ACE: variants seen among roughly 807,000 people sequenced by gnomAD.
The protein encoded by ACE is angiotensin-converting enzyme.
ACE carries 122 observed loss-of-function variants against 162.3 expected under a neutral mutation model. The observed-to-expected ratio is 0.75, with a 90% CI of 0.65 to 0.87. The LOEUF is 0.87. Among genes scored for constraint, ACE ranks in the 40% least tolerant of loss-of-function variants. The pLI, the probability that ACE is intolerant of heterozygous loss-of-function variation, is 0.00. For synonymous variants in ACE, 796 were observed against 720.6 expected, an observed-to-expected ratio of 1.10 and a Z score of -1.68; for missense variants, 1,799 against 1,735.1, an observed-to-expected ratio of 1.04 and a Z score of -0.65.
chr17:63,485,482 A>G, intron 13 of ACE, 110 bp downstream of exon 13: 4 of 1,497,818 alleles, frequency 2.7e-6, no homozygotes, highest in Non-Finnish European at 3.6e-6. Flanking sequence ...GAATATTTAA[A>G]ACAATACTCA....
intron 12 of ACE, 114 bp from the exon 13 acceptor site, chr17:63,485,122 T>C (rs961116638): frequency 4.0e-5 from 62 of 1,535,754 alleles, no homozygotes; most frequent in Non-Finnish European, 5.3e-5. Flanking sequence ...CGGGGCCGGG[T>C]AGGGACAGGG....
intron 22 of ACE, chr17:63,496,118 C>T: frequency 2.0e-6 from 1 of 497,156 alleles, no homozygotes; most frequent in Non-Finnish European, 3.7e-6. Flanking sequence ...GAAGGCTCTG[C>T]CCTGACCCCA....
Position 63,496,964 on chromosome 17 carries a change from T to C in ACE, c.3670T>C (p.Tyr1224His), listed in dbSNP as rs776554544. 3 of 1,612,256 alleles carry C rather than the reference T, an allele frequency of 1.9e-6. No homozygotes were observed. The highest frequency in any genetic ancestry group is 2.5e-6 in the Non-Finnish European group (3 of 1,179,778). ...TGGGGAGAAGCTGGGCTGGCCGCAG[T>C]ACAACTGGACGCCGAACTCCGGTAC... The part of the protein sequence containing the change: ...LHGEKLGWPQ[Y>H]NWTPNSARSE... Residue 1224 changes from tyrosine to histidine, a missense_variant, in exon 24 of 25, where the codon TAC becomes CAC. By Grantham distance (83) the Tyr-to-His change is moderately conservative. Transcript: ENST00000290866.
At chr17:63,483,351 T>G in intron 9 of ACE, 109 bp from the exon 10 acceptor site, 1 of 1,442,280 alleles carries the variant, frequency 6.9e-7, no homozygotes, top group African/African-American at 1.4e-5. Flanking sequence ...TCTTCCCCAG[T>G]TCCTCAGGAT....
Position 63,477,969 on chromosome 17 carries a change from C to T in ACE, c.288C>T (p.Ala96=), listed in dbSNP as rs778109111. ...AALLSQEFAE[A]WGQKAKELYE... Reference sequence around the variant, plus strand: ...TGCTCAGCCAGGAGTTTGCGGAGGCCTGGGGCCAGAAGGCCAAGGAGCTGT... The same window carrying T: ...TGCTCAGCCAGGAGTTTGCGGAGGCTTGGGGCCAGAAGGCCAAGGAGCTGT... Residue 96 remains alanine (A), a synonymous_variant, in exon 2 of 25, where the codon GCC becomes GCT. Transcript: ENST00000290866. 1.2e-6 allele frequency: 2 copies of T among 1,612,356 alleles called. No homozygotes were observed. The highest frequency in any genetic ancestry group is 2.2e-5 in the South Asian group (2 of 90,748).
chr17:63,494,394 C>A lies in ACE; in HGVS notation c.3304C>A (p.Pro1102Thr), dbSNP rs145349565. The change falls in exon 22 of 25, where the codon CCC becomes ACC. Residue 1102 changes from proline to threonine, a missense_variant. By Grantham distance (38) the Pro-to-Thr change is conservative (BLOSUM62 -1). Coordinates refer to ENST00000290866, the MANE Select transcript of ACE (RefSeq NM_000789.4). ...CAGGCTGAAGTACCAGGGCCTCTGCCCCCCAGTGCCCAGGACTCAAGGTGA... is the reference window on the plus strand; with the variant it reads ...CAGGCTGAAGTACCAGGGCCTCTGCACCCCAGTGCCCAGGACTCAAGGTGA... ...SLRLKYQGLC[P>T]PVPRTQGDFD... 802 of 1,614,082 alleles carry A rather than the reference C, an allele frequency of 5.0e-4. 5 individuals are homozygous for A. In the African/African-American group the frequency reaches 9.6e-3, roughly 19 times the overall value.
rs762056936 is a variant in ACE at position 63,497,200 on chromosome 17, C to T, written c.3755C>T (p.Ala1252Val). ...RVSFLGLDLD[A>V]QQARVGQWLL... ...AGCTTCCTGGGCCTGGACCTGGATG[C>T]GCAGCAGGCCCGCGTGGGCCAGTGG... is the stretch of plus-strand genomic sequence containing the variant. Residue 1252 changes from alanine to valine, a missense_variant, in exon 25 of 25, where the codon GCG (alanine) becomes GTG (valine). Transcript: ENST00000290866. 11 of 1,601,910 alleles carry T rather than the reference C, an allele frequency of 6.9e-6. No homozygotes were observed. Among genetic ancestry groups the T allele is most frequent in the East Asian group, 2.2e-5 (1 of 44,694 alleles).
chr17:63,485,788 A>AG (rs1555669981), intron 13 of ACE: 2 of 239,802 alleles, frequency 8.3e-6, no homozygotes, highest in Non-Finnish European at 1.7e-5. Flanking sequence ...AAAAAAAAAA[A>AG]AAAACTCAAT....
Position 63,491,512 on chromosome 17 carries a change from A to G in ACE, c.2912+131A>G. 8.2e-7 allele frequency: 1 copy of G among 1,223,854 alleles called. No homozygotes were observed. The highest frequency in any genetic ancestry group is 1.2e-6 in the Non-Finnish European group (1 of 849,488). The allele number at this position is 1,223,854 out of a possible 1,614,324, so 75.8% of individuals were successfully genotyped here. A position where few individuals can be genotyped will look rare whatever the true frequency, so the allele number is the denominator to read the frequency against. Reference sequence around the variant, plus strand: ...GATGGGGACAGGGCCAGAGTTTGGGACTGAGTGTCTAGAGAGGTGTTGGCT... The same window carrying G: ...GATGGGGACAGGGCCAGAGTTTGGGGCTGAGTGTCTAGAGAGGTGTTGGCT... On this transcript the variant is annotated intron_variant, in intron 19 of 24. Transcript: ENST00000290866. This position sits in a 1 kb window ranked among gnomAD's most constrained non-coding sequence, Gnocchi z 4.4.
chr17:63,497,232 C>T lies in ACE; in HGVS notation c.3787C>T (p.Leu1263Phe). The T allele has an allele frequency of 2.5e-6, 4 of 1,590,926 alleles. No individual in the cohort carries two copies. Among genetic ancestry groups the T allele is most frequent in the Non-Finnish European group, 3.4e-6 (4 of 1,173,130 alleles). ...GGCCCGCGTGGGCCAGTGGCTGCTG[C>T]TCTTCCTGGGCATCGCCCTGCTGGT... is the stretch of plus-strand genomic sequence containing the variant. ...QQARVGQWLL[L>F]FLGIALLVAT... Residue 1263 changes from leucine to phenylalanine, a missense_variant, in exon 25 of 25, where the codon CTC becomes TTC. Transcript: ENST00000290866.
chr17:63,484,578 G>A lies in ACE; in HGVS notation c.1921+37G>A. ...AGTGAGGATGGTGTGGGGCTAAGGT[G>A]GGTCCTCAACTCTGGGCTTGGCCCA... is the stretch of plus-strand genomic sequence containing the variant. On this transcript the variant is annotated intron_variant, in intron 12 of 24. Coordinates refer to ENST00000290866, the MANE Select transcript of ACE (RefSeq NM_000789.4). The surrounding 1 kb of genome is among the most constrained non-coding windows in gnomAD (Gnocchi z 4.0). 1 of 1,585,236 alleles carries A rather than the reference G, an allele frequency of 6.3e-7. No individual in the cohort carries two copies. The highest frequency in any genetic ancestry group is 8.6e-7 in the Non-Finnish European group (1 of 1,166,362).
Position 63,483,159 on chromosome 17 carries a change from C to G in ACE, c.1473C>G (p.Asp491Glu), listed in dbSNP as rs1254289491. 2.5e-6 allele frequency: 4 copies of G among 1,613,908 alleles called. No homozygotes were observed. The highest frequency in any genetic ancestry group is 1.7e-6 in the Non-Finnish European group (2 of 1,180,024). ...CCCCCCCTTCCCGCTACAACTTCGA[C>G]TGGTGGTATCTTCGGTGAGAGGAGG... Reference protein sequence around the residue: ...GRTPPSRYNFDWWYLRTKYQG... With the variant: ...GRTPPSRYNFEWWYLRTKYQG... Residue 491 changes from aspartate (D) to glutamate (E), a missense_variant, in exon 9 of 25, where the codon GAC (aspartate) becomes GAG (glutamate). Asp to Glu is a conservative substitution (Grantham distance 45, BLOSUM62 2). Coordinates refer to ENST00000290866, the MANE Select transcript of ACE (RefSeq NM_000789.4).
At chr17:63,496,715 G>A in intron 23 of ACE, 83 bp from the exon 24 acceptor site, 7 of 1,595,290 alleles carry the variant, frequency 4.4e-6, no homozygotes, top group Non-Finnish European at 5.1e-6. Flanking sequence ...TCAGCTGGGA[G>A]TGGGTATGGA....
chr17:63,477,142 G>A lies in ACE; in HGVS notation c.48G>A (p.Leu16=), dbSNP rs2049628851. Residue 16 remains leucine (L), a synonymous_variant, in exon 1 of 25, where the codon CTG becomes CTA. Coordinates refer to ENST00000290866, the MANE Select transcript of ACE (RefSeq NM_000789.4). ...GGGGGCCGGGGCTGCTGCTGCCGCTGCCGCTGCTGTTGCTGCTGCCGCCGC... is the reference window on the plus strand; with the variant it reads ...GGGGGCCGGGGCTGCTGCTGCCGCTACCGCTGCTGTTGCTGCTGCCGCCGC... ...GRRGPGLLLP[L]PLLLLLPPQP... The A allele has an allele frequency of 7.0e-7, 1 of 1,436,450 alleles. No homozygotes were observed. The highest frequency in any genetic ancestry group is 9.1e-7 in the Non-Finnish European group (1 of 1,095,196). 89.0% of individuals were successfully genotyped at this position (1,436,450 alleles called of 1,614,324 possible). A position where few individuals can be genotyped will look rare whatever the true frequency, so the allele number is the denominator to read the frequency against.
chr17:63,485,108 G>A (rs777463816), intron 12 of ACE, 128 bp from the exon 13 acceptor site: 5 of 1,570,956 alleles, frequency 3.2e-6, no homozygotes, highest in Non-Finnish European at 4.3e-6. Context: ...AGGGGTGGGA[G>A]AGGCGGGGCC....
chr17:63,489,702 G>A (rs553069290), intron 17 of ACE, among the ~76,000 whole-genome samples: 2 of 152,334 alleles, frequency 1.3e-5, no homozygotes, highest in East Asian at 3.9e-4. Flanking sequence ...AGGGAGTAAG[G>A]CAAAGCAGAG....
rs2030566841 is a variant in ACE at position 63,494,017 on chromosome 17, G to A, written c.3232G>A (p.Asp1078Asn). ...CGATCAGTGGCGCTGGAGGGTATTT[G>A]ATGGAAGCATCACCAAGGAGAACTA... is the stretch of plus-strand genomic sequence containing the variant. ...LVDQWRWRVF[D>N]GSITKENYNQ... is the part of the protein sequence containing the mutation. Residue 1078 changes from aspartate to asparagine, a missense_variant, in exon 21 of 25, where the codon GAT becomes AAT. Transcript: ENST00000290866. 6.2e-6 allele frequency: 10 copies of A among 1,614,058 alleles called. No homozygotes were observed. The East Asian group carries it at 2.0e-4, about 32-fold the overall frequency.
rs751034410 is a variant in ACE, at chr17:63,482,700, G to C, written c.1342+11G>C. On this transcript the variant is annotated intron_variant, in intron 8 of 24. Transcript: ENST00000290866. The stretch of plus-strand genomic sequence containing the variant: ...TCACCAATGACACGGGTATGGGAGG[G>C]CTGAGAGGCCCCCACCCAGCCTCAC... 2 of 1,612,690 alleles carry C rather than the reference G, an allele frequency of 1.2e-6. No individual in the cohort carries two copies. Among genetic ancestry groups the C allele is most frequent in the East Asian group, 2.2e-5 (1 of 44,874 alleles).
Position 63,483,567 on chromosome 17 carries a change from G to GCGGGGGGGGGGCCCCC in ACE, c.1586+10_1586+11insGGGGGGGGGGCCCCCC. 6.3e-7 allele frequency: 1 copy of GCGGGGGGGGGGCCCCC among 1,589,476 alleles called. No individual in the cohort carries two copies. Among genetic ancestry groups the GCGGGGGGGGGGCCCCC allele is most frequent in the Non-Finnish European group, 8.6e-7 (1 of 1,165,616 alleles). On this transcript the variant is annotated intron_variant, in intron 10 of 24. Transcript: ENST00000290866. ...GTGACACCATACATCAGGTATTAGC[G>GCGGGGGGGGGGCCCCC]CCCCCACCCCACCCACCCCCAGTAC...
Sources: gnomAD v4.1 joint callset for allele counts (sites outside exome capture counted in the v4.1 genomes callset) on GRCh38, gnomAD v4.1.1 for gene constraint, Gnocchi (gnomAD v3.1) non-coding constraint, MANE v1.5 for transcripts, NCBI Gene and HGNC (gene_info 2026-07-23, HGNC 2026-07-21) for gene names.